CCSER1: variants seen among roughly 807,000 people sequenced by gnomAD.
CCSER1 encodes the protein serine-rich coiled-coil domain-containing protein 1.
CCSER1 carries 41 observed loss-of-function variants against 82.0 expected under a neutral mutation model. The ratio of observed to expected loss-of-function variants is 0.50; its 90% CI spans 0.39 to 0.65. The LOEUF is 0.65. Ranked by LOEUF, CCSER1 falls within the 30% of genes least tolerant of loss-of-function variation. The pLI, the probability that CCSER1 is intolerant of heterozygous loss-of-function variation, is 0.00. For synonymous variants in CCSER1, 414 were observed against 383.9 expected (o/e 1.08, Z -0.92); for missense variants, 1,119 against 1,064.2 (o/e 1.05, Z -0.72).
intron 10 of CCSER1, among the ~76,000 whole-genome samples, chr4:91,444,339 C>G (rs892762554): frequency 6.6e-6 from 1 of 152,100 alleles, no homozygotes; most frequent in Admixed American, 6.5e-5. Flanking sequence ...ATATTTTATA[C>G]AAGTTTTCTA....
chr4:91,440,378 C>A (rs879222051), intron 10 of CCSER1, among the ~76,000 whole-genome samples: 16 of 151,944 alleles, frequency 1.1e-4, no homozygotes, highest in African/African-American at 3.6e-4. Context: ...GGGTACGTAA[C>A]GAAATGAAGG....
chr4:90,685,507 C>T (rs1361385610), intron 6 of CCSER1, among the ~76,000 whole-genome samples: 1 of 152,126 alleles, frequency 6.6e-6, no homozygotes, highest in Non-Finnish European at 1.5e-5. Context: ...TATAAACACA[C>T]ATTCTTTCCA....
At chr4:90,448,371 G>A (rs1760954833) in intron 4 of CCSER1, among the ~76,000 whole-genome samples, 1 of 146,580 alleles carries the variant, frequency 6.8e-6, no homozygotes, top group East Asian at 2.0e-4. Context: ...ATCTTTCTAA[G>A]TTTGAAATGA....
At chr4:90,639,122 G>A (rs749488025) in intron 6 of CCSER1, among the ~76,000 whole-genome samples, 26 of 151,750 alleles carry the variant, frequency 1.7e-4, no homozygotes, top group Middle Eastern at 6.8e-3. Context: ...GTCAAGCCAC[G>A]TGTGAAATAT....
intron 10 of CCSER1, among the ~76,000 whole-genome samples, chr4:91,501,587 A>C (rs111807496): frequency 0.03 from 4,572 of 152,130 alleles, 142 homozygotes; most frequent in African/African-American, 0.084. Context: ...TTTATCAATA[A>C]CTTTAATTTC....
intron 7 of CCSER1, among the ~76,000 whole-genome samples, chr4:90,745,855 A>G (rs1278668255): frequency 6.9e-6 from 1 of 145,070 alleles, no homozygotes; most frequent in East Asian, 2.0e-4. Context: ...ACACCCAGCT[A>G]AATTTTTTTT....
chr4:90,566,626 G>A lies in CCSER1; in HGVS notation c.1725-61399G>A, dbSNP rs1200760242. Among the ~76,000 whole-genome samples the A allele has an allele frequency of 4.8e-5, 7 of 146,948 alleles. No homozygotes were observed. In the South Asian group the frequency reaches 6.5e-4, roughly 14 times the overall value. On this transcript the variant is annotated intron_variant, in intron 5 of 10. Coordinates refer to ENST00000509176, the MANE Select transcript of CCSER1 (RefSeq NM_001145065.2). Reference sequence around the variant, plus strand: ...ACCTTTTTTTTTTTTTTTTTAAGACGGAGTCTCGCTCTGTCGCCCAGGCTG... The same window carrying A: ...ACCTTTTTTTTTTTTTTTTTAAGACAGAGTCTCGCTCTGTCGCCCAGGCTG...
chr4:90,551,678 T>TTCTCTCTCTCTCTCTCTC (rs71596530), intron 5 of CCSER1, among the ~76,000 whole-genome samples: 34 of 88,554 alleles, frequency 3.8e-4, no homozygotes, highest in East Asian at 5.5e-4. Flanking sequence ...AAAAATATAA[T>TTCTCTCTCTCTCTCTCTC]TCTCTCTCTC....
chr4:91,526,249 C>G (rs1760757999), intron 10 of CCSER1, among the ~76,000 whole-genome samples: 1 of 152,190 alleles, frequency 6.6e-6, no homozygotes, highest in Non-Finnish European at 1.5e-5. Flanking sequence ...TCAAACATTC[C>G]TTTCTGTGGA....
chr4:90,671,212 A>G (rs1732737422), intron 6 of CCSER1, among the ~76,000 whole-genome samples: 1 of 152,024 alleles, frequency 6.6e-6, no homozygotes, highest in East Asian at 1.9e-4. Context: ...ACAATTTCTT[A>G]AAATAGGATA....
At chr4:91,550,272 A>T (rs1014008508) in intron 10 of CCSER1, among the ~76,000 whole-genome samples, 1 of 152,172 alleles carries the variant, frequency 6.6e-6, no homozygotes, top group Non-Finnish European at 1.5e-5. Context: ...GGGCTTTTGC[A>T]GGTAAAACAC....
At chr4:90,806,927 T>A (rs935329184) in intron 7 of CCSER1, among the ~76,000 whole-genome samples, 3 of 152,086 alleles carry the variant, frequency 2.0e-5, no homozygotes, top group Non-Finnish European at 4.4e-5. Flanking sequence ...TATGTATCCT[T>A]AACTCCATTT....
intron 4 of CCSER1, among the ~76,000 whole-genome samples, chr4:90,455,886 C>G (rs373431657): frequency 2.0e-5 from 3 of 152,290 alleles, no homozygotes; most frequent in East Asian, 3.9e-4. Context: ...ACTTCACTGT[C>G]ATGTGCCTTT....
At chr4:91,148,077 C>T (rs571849320) in intron 10 of CCSER1, among the ~76,000 whole-genome samples, 1 of 152,200 alleles carries the variant, frequency 6.6e-6, no homozygotes, top group Admixed American at 6.5e-5. Flanking sequence ...AGAGTAGTAA[C>T]ATGGAATAGA....
chr4:90,776,356 GA>G (rs573506428), intron 7 of CCSER1, among the ~76,000 whole-genome samples: 36 of 152,184 alleles, frequency 2.4e-4, no homozygotes, highest in African/African-American at 8.2e-4. Flanking sequence ...TTGGTTAAAA[GA>G]AGAAAATTTC....
intron 10 of CCSER1, among the ~76,000 whole-genome samples, chr4:91,146,856 G>A (rs1322437109): frequency 6.6e-6 from 1 of 152,096 alleles, no homozygotes; most frequent in Non-Finnish European, 1.5e-5. Context: ...TAGGCTCTTA[G>A]CTGCGTGCCT....
At chr4:90,959,405 G>A (rs1733835488) in intron 9 of CCSER1, among the ~76,000 whole-genome samples, 2 of 152,156 alleles carry the variant, frequency 1.3e-5, no homozygotes. Flanking sequence ...GCCAAAAATA[G>A]CTGCCCAGTA....
chr4:90,809,124 T>G (rs1335290173), intron 7 of CCSER1, among the ~76,000 whole-genome samples: 1 of 150,616 alleles, frequency 6.6e-6, no homozygotes, highest in Non-Finnish European at 1.5e-5. Flanking sequence ...TTAAGAACAG[T>G]CTGAGCAACA....
At chr4:91,305,001 C>A (rs1744939935) in intron 10 of CCSER1, among the ~76,000 whole-genome samples, 1 of 151,974 alleles carries the variant, frequency 6.6e-6, no homozygotes, top group Non-Finnish European at 1.5e-5. Flanking sequence ...AGCCAGGCAT[C>A]ATGCTTGATT....
Sources: gnomAD v4.1 joint callset for allele counts (sites outside exome capture counted in the v4.1 genomes callset) on GRCh38, gnomAD v4.1.1 for gene constraint, MANE v1.5 for transcripts, NCBI Gene and HGNC (gene_info 2026-07-23, HGNC 2026-07-21) for gene names.